LINGO2: variants seen among roughly 807,000 people sequenced by gnomAD.
The protein encoded by LINGO2 is leucine-rich repeat and immunoglobulin-like domain-containing nogo receptor-interacting protein 2.
A neutral mutation model predicts 30.6 loss-of-function variants in LINGO2; 14 were observed. That is an observed-to-expected ratio of 0.46 (90% confidence interval 0.30 to 0.72). The LOEUF (loss-of-function observed/expected upper bound fraction) is 0.72, where lower values mean the gene tolerates loss of function less well. Ranked by LOEUF, LINGO2 falls within the 30% of genes least tolerant of loss-of-function variation. LINGO2 has a pLI of 0.07. For missense variants in LINGO2, 729 were observed against 751.7 expected, an observed-to-expected ratio of 0.97 and a Z score of 0.35; for synonymous variants, 317 against 288.5, an observed-to-expected ratio of 1.10 and a Z score of -1.00.
chr9:28,360,309 A>G (rs1820390256), intron 3 of LINGO2, among the ~76,000 whole-genome samples: 1 of 152,204 alleles, frequency 6.6e-6, no homozygotes, highest in African/African-American at 2.4e-5. Context: ...ATAGTCCTAA[A>G]CTTTGCTTTC....
chr9:28,185,999 C>T (rs1819527091), intron 4 of LINGO2, among the ~76,000 whole-genome samples: 1 of 152,138 alleles, frequency 6.6e-6, no homozygotes, highest in African/African-American at 2.4e-5. Flanking sequence ...AGAACAGAGG[C>T]TTATTATGAG....
chr9:28,724,424 G>A, the LINGO2 span, among the ~76,000 whole-genome samples: 1 of 152,074 alleles, frequency 6.6e-6, no homozygotes, highest in African/African-American at 2.4e-5. Flanking sequence ...TCAGCAACCT[G>A]CATTAAAAAG....
intron 1 of LINGO2, among the ~76,000 whole-genome samples, chr9:28,615,230 G>A (rs1282967194): frequency 1.3e-5 from 2 of 152,210 alleles, no homozygotes; most frequent in South Asian, 2.1e-4. Flanking sequence ...CCACTTCTTA[G>A]AGGGCCCATG....
intron 4 of LINGO2, among the ~76,000 whole-genome samples, chr9:28,027,248 A>G (rs1156440085): frequency 6.6e-6 from 1 of 152,186 alleles, no homozygotes; most frequent in African/African-American, 2.4e-5. Context: ...CTTACACTAA[A>G]GCATCCCCAT....
the LINGO2 span, among the ~76,000 whole-genome samples, chr9:28,787,034 G>A: frequency 4.6e-5 from 7 of 152,160 alleles, no homozygotes; most frequent in Non-Finnish European, 7.4e-5. Flanking sequence ...TAGTTCTAGG[G>A]GTAACATGTT....
chr9:28,045,664 A>G (rs1402421735), intron 4 of LINGO2, among the ~76,000 whole-genome samples: 2 of 152,168 alleles, frequency 1.3e-5, no homozygotes, highest in Non-Finnish European at 1.5e-5. Flanking sequence ...TTAAACTTGG[A>G]ATATTGACCA....
At chr9:28,775,832 CT>C in the LINGO2 span, among the ~76,000 whole-genome samples, 1 of 152,128 alleles carries the variant, frequency 6.6e-6, no homozygotes, top group Non-Finnish European at 1.5e-5. Context: ...TTCGTTCACT[CT>C]TTGTTTGGAA....
At chr9:29,092,236 A>G in the LINGO2 span, among the ~76,000 whole-genome samples, 2 of 152,022 alleles carry the variant, frequency 1.3e-5, no homozygotes, top group African/African-American at 4.8e-5. Flanking sequence ...TAACTATAAA[A>G]GTTAGAGTCA....
At chr9:29,192,313 T>C in the LINGO2 span, among the ~76,000 whole-genome samples, 1 of 152,198 alleles carries the variant, frequency 6.6e-6, no homozygotes, top group African/African-American at 2.4e-5. Context: ...TGAAAGGAAA[T>C]TTGAAGATAA....
At chr9:28,565,801 G>A (rs1404941167) in intron 1 of LINGO2, among the ~76,000 whole-genome samples, 3 of 151,850 alleles carry the variant, frequency 2.0e-5, no homozygotes, top group Admixed American at 6.6e-5. Context: ...TGATCCACCC[G>A]CCTCGGCCTC....
chr9:28,637,455 A>G (rs1469998510), intron 1 of LINGO2, among the ~76,000 whole-genome samples: 2 of 152,184 alleles, frequency 1.3e-5, no homozygotes, highest in African/African-American at 4.8e-5. Context: ...ATCCATGAGC[A>G]TGGAATGTTC....
intron 4 of LINGO2, among the ~76,000 whole-genome samples, chr9:28,046,437 T>A: frequency 6.6e-6 from 1 of 152,138 alleles, no homozygotes; most frequent in East Asian, 1.9e-4. Context: ...CTAACTGTGG[T>A]TTTTGGTGGA....
chr9:28,807,376 G>T, the LINGO2 span, among the ~76,000 whole-genome samples: 8 of 152,104 alleles, frequency 5.3e-5, no homozygotes, highest in African/African-American at 1.9e-4. Context: ...CTGACTCAGA[G>T]AACTAATCTG....
intron 2 of LINGO2, among the ~76,000 whole-genome samples, chr9:28,378,571 A>C (rs1444166921): frequency 6.6e-6 from 1 of 151,976 alleles, no homozygotes; most frequent in Admixed American, 6.6e-5. Context: ...ACTTCCAGAA[A>C]CTCTACTAGA....
Position 27,966,649 on chromosome 9 carries a change from G to C in LINGO2, c.-35-15943C>G, listed in dbSNP as rs553515968. Among the ~76,000 whole-genome samples the C allele has an allele frequency of 2.6e-5, 4 of 152,118 alleles. No homozygotes were observed. In the South Asian group the frequency reaches 8.3e-4, roughly 32 times the overall value. ...GGGCTTAAAACCTAGATGACAGGTT[G>C]ATAGCTGCAGCAAACCACCATGGCA... On this transcript the variant is annotated intron_variant, in intron 5 of 5. Transcript: ENST00000379992.
chr9:28,102,650 G>C lies in LINGO2; in HGVS notation c.-86-90245C>G, dbSNP rs569306235. Among the ~76,000 whole-genome samples the C allele has an allele frequency of 1.0e-3, 157 of 152,162 alleles. 1 individual carries two copies. The highest frequency in any genetic ancestry group is 4.1e-4 in the Non-Finnish European group (28 of 68,002). On this transcript the variant is annotated intron_variant, in intron 4 of 5. Transcript: ENST00000379992. ...AAATAAGCCAAATTCAGATTTGACA[G>C]ACACTTACAACCCACAGTATCAGTG... is the stretch of plus-strand genomic sequence containing the variant.
chr9:29,178,174 G>C, the LINGO2 span, among the ~76,000 whole-genome samples: 1 of 151,870 alleles, frequency 6.6e-6, no homozygotes, highest in African/African-American at 2.4e-5. Context: ...TCCCACCTCA[G>C]CCTCCCAAAT....
chr9:28,575,327 C>T (rs908479868), intron 1 of LINGO2, among the ~76,000 whole-genome samples: 5 of 149,710 alleles, frequency 3.3e-5, no homozygotes, highest in African/African-American at 9.8e-5. Flanking sequence ...TGAACCTCGG[C>T]GGCAGAGGTT....
chr9:28,134,502 C>CT (rs1563994173), intron 4 of LINGO2, among the ~76,000 whole-genome samples: 3 of 152,212 alleles, frequency 2.0e-5, no homozygotes, highest in Non-Finnish European at 4.4e-5. Context: ...AGTGCCACTA[C>CT]GATCTGGGCA....
Sources: gnomAD v4.1 joint callset for allele counts (sites outside exome capture counted in the v4.1 genomes callset) on GRCh38, gnomAD v4.1.1 for gene constraint, MANE v1.5 for transcripts, NCBI Gene and HGNC (gene_info 2026-07-23, HGNC 2026-07-21) for gene names.